The following RALGPS1 variants were observed in gnomAD, a reference collection of about 807,000 sequenced individuals.
The protein encoded by RALGPS1 is Ral GEF with PH domain and SH3 binding motif 1.
RALGPS1 carries 19 observed loss-of-function variants against 78.8 expected under a neutral mutation model. The observed-to-expected ratio is 0.24, with a 90% CI of 0.17 to 0.35. The LOEUF (loss-of-function observed/expected upper bound fraction) is 0.35. RALGPS1 is among the 10% of genes least tolerant of loss of function. RALGPS1 has a pLI of 1.00. For missense variants in RALGPS1, 454 were observed against 688.3 expected (o/e 0.66, Z 3.81); for synonymous variants, 228 against 256.3 (o/e 0.89, Z 1.06).
chr9:126,931,304 G>A (rs995825297), intron 1 of RALGPS1, among the ~76,000 whole-genome samples: 3 of 152,160 alleles, frequency 2.0e-5, no homozygotes, highest in African/African-American at 7.2e-5. Context: ...AAGAGAGGGA[G>A]GATGACTGCT....
At chr9:127,125,060 G>C (rs747868671) in intron 8 of RALGPS1, among the ~76,000 whole-genome samples, 2 of 152,322 alleles carry the variant, frequency 1.3e-5, no homozygotes, top group East Asian at 3.9e-4. Flanking sequence ...GGGAGCTCAG[G>C]AGTCAGATTC....
intron 4 of RALGPS1, among the ~76,000 whole-genome samples, chr9:126,988,256 AG>A (rs1437770931): frequency 1.3e-5 from 2 of 152,158 alleles, no homozygotes; most frequent in Non-Finnish European, 2.9e-5. Flanking sequence ...GGCATCTTTG[AG>A]GAGCATGGAC....
intron 1 of RALGPS1, among the ~76,000 whole-genome samples, chr9:126,939,191 T>C (rs569321034): frequency 6.6e-5 from 10 of 152,216 alleles, no homozygotes; most frequent in Non-Finnish European, 1.5e-4. Flanking sequence ...TCAAGGCACC[T>C]TCTCTCCTTC....
chr9:126,956,246 G>C (rs1564304125), intron 1 of RALGPS1, among the ~76,000 whole-genome samples: 2 of 104,434 alleles, frequency 1.9e-5, no homozygotes, highest in African/African-American at 5.3e-5. Flanking sequence ...GCTGTTCTCA[G>C]GGCGGGGCTA....
At chr9:126,915,228 G>T (rs2033994588) in intron 1 of RALGPS1, among the ~76,000 whole-genome samples, 2 of 143,698 alleles carry the variant, frequency 1.4e-5, no homozygotes, top group African/African-American at 5.0e-5. Flanking sequence ...GGGGCGCGCT[G>T]GTCCCCGGGA....
intron 8 of RALGPS1, among the ~76,000 whole-genome samples, chr9:127,075,450 A>G (rs2050593017): frequency 6.6e-6 from 1 of 152,232 alleles, no homozygotes; most frequent in Non-Finnish European, 1.5e-5. Context: ...ACCTGCATGC[A>G]TGTCTGGTTG....
intron 11 of RALGPS1, among the ~76,000 whole-genome samples, chr9:127,178,846 A>G (rs765755599): frequency 6.6e-6 from 1 of 152,206 alleles, no homozygotes; most frequent in Non-Finnish European, 1.5e-5. Flanking sequence ...CCTTCCTGCA[A>G]CTGGCCCTCA....
At chr9:127,167,151 C>G (rs1370246390) in intron 9 of RALGPS1, among the ~76,000 whole-genome samples, 1 of 152,168 alleles carries the variant, frequency 6.6e-6, no homozygotes, top group Non-Finnish European at 1.5e-5. Flanking sequence ...GCCTCACTTG[C>G]TGTGCGTAGG....
At chr9:127,001,086 T>TACAAAACAAA (rs60748253) in intron 4 of RALGPS1, among the ~76,000 whole-genome samples, 4,213 of 137,682 alleles carry the variant, frequency 0.031, 85 homozygotes, top group African/African-American at 0.039. Context: ...ACTCTGTCTC[T>TACAAAACAAA]ACAAAACAAA....
At position 127,212,098 on chromosome 9, in the gene RALGPS1, C is replaced by A; in HGVS notation, c.1248-33C>A. ...AGAGGGTGCTTGACCTCAGCTCCTCCAGGGCGATGTCTGACTGGTAGTCTC... is the reference window on the plus strand; with the variant it reads ...AGAGGGTGCTTGACCTCAGCTCCTCAAGGGCGATGTCTGACTGGTAGTCTC... On this transcript the variant is annotated intron_variant, in intron 14 of 18. Transcript: ENST00000259351. The surrounding 1 kb of genome is among the most constrained non-coding windows in gnomAD (Gnocchi z 6.0). 6.4e-7 allele frequency: 1 copy of A among 1,568,552 alleles called. No individual in the cohort carries two copies. Among genetic ancestry groups the A allele is most frequent in the Non-Finnish European group, 8.7e-7 (1 of 1,150,570 alleles).
At chr9:126,940,457 T>G (rs1220102491) in intron 1 of RALGPS1, among the ~76,000 whole-genome samples, 1 of 150,402 alleles carries the variant, frequency 6.6e-6, no homozygotes, top group Non-Finnish European at 1.5e-5. Context: ...TTTTTTTTTT[T>G]GAGATGGAGT....
At chr9:126,971,815 G>A (rs1251261670) in intron 3 of RALGPS1, among the ~76,000 whole-genome samples, 1 of 152,136 alleles carries the variant, frequency 6.6e-6, no homozygotes, top group African/African-American at 2.4e-5. Context: ...TGCCCAGATG[G>A]TAGATATAGT....
At chr9:126,988,959 C>T (rs1395716905) in intron 4 of RALGPS1, among the ~76,000 whole-genome samples, 8 of 152,114 alleles carry the variant, frequency 5.3e-5, no homozygotes, top group Admixed American at 5.2e-4. Context: ...GGGCCAGAGA[C>T]AGCCGATGGC....
rs1479210225 is a variant in RALGPS1 at position 127,205,833 on chromosome 9, T to C, written c.1248-6298T>C. 6.6e-6 allele frequency among the ~76,000 whole-genome samples: 1 copy of C among 152,186 alleles called. No homozygotes were observed. Among genetic ancestry groups the C allele is most frequent in the Non-Finnish European group, 1.5e-5 (1 of 68,016 alleles). The stretch of plus-strand genomic sequence containing the variant: ...CTCACTTTCAGCCTCTCAGATCTGG[T>C]TCCTAATCACCAGGAGAGAAGATCT... On this transcript the variant is annotated intron_variant, in intron 14 of 18. Transcript: ENST00000259351. The surrounding 1 kb of genome is among the most constrained non-coding windows in gnomAD (Gnocchi z 4.0).
intron 4 of RALGPS1, among the ~76,000 whole-genome samples, chr9:126,996,561 G>A (rs1456233636): frequency 6.6e-6 from 1 of 152,016 alleles, no homozygotes; most frequent in Non-Finnish European, 1.5e-5. Context: ...ACCAAAAAAA[G>A]TCCAGGACCA....
At chr9:126,962,048 G>A (rs1177518279) in intron 1 of RALGPS1, among the ~76,000 whole-genome samples, 177 bp from the exon 2 acceptor site, 1 of 152,134 alleles carries the variant, frequency 6.6e-6, no homozygotes, top group Admixed American at 6.6e-5. Context: ...TTAATACCCT[G>A]TACAAGCCCA....
At chr9:126,934,161 G>T (rs377468733) in intron 1 of RALGPS1, among the ~76,000 whole-genome samples, 3 of 151,908 alleles carry the variant, frequency 2.0e-5, no homozygotes, top group Non-Finnish European at 2.9e-5. Context: ...ATGTGGATGC[G>T]TGGGAAAAGT....
intron 8 of RALGPS1, among the ~76,000 whole-genome samples, chr9:127,104,554 A>G (rs1316052156): frequency 2.0e-5 from 3 of 152,234 alleles, no homozygotes; most frequent in African/African-American, 7.2e-5. Context: ...TGAGAGACAC[A>G]GGACAAAGCC....
Position 127,211,163 on chromosome 9 carries a change from G to A in RALGPS1, c.1248-968G>A, listed in dbSNP as rs896383778. On this transcript the variant is annotated intron_variant, in intron 14 of 18. Transcript: ENST00000259351. This position sits in a 1 kb window ranked among gnomAD's most constrained non-coding sequence, Gnocchi z 5.0. ...AAGGAATGAGAGAGGGCAGGGACAT[G>A]AGATGAGCTGGAGCCACATCCAGCA... 1.3e-5 allele frequency among the ~76,000 whole-genome samples: 2 copies of A among 152,240 alleles called. No homozygotes were observed. The highest frequency in any genetic ancestry group is 4.8e-5 in the African/African-American group (2 of 41,468).
Sources: allele counts gnomAD v4.1 joint callset (sites outside exome capture counted in the v4.1 genomes callset), GRCh38; gene constraint gnomAD v4.1.1; non-coding constraint Gnocchi (gnomAD v3.1); transcripts MANE v1.5; gene names NCBI Gene and HGNC (gene_info 2026-07-23, HGNC 2026-07-21).